The following UNC13C variants were observed in gnomAD, a reference collection of about 807,000 sequenced individuals.
UNC13C encodes the protein unc-13 homolog C.
UNC13C carries 174 observed loss-of-function variants against 245.4 expected under a neutral mutation model. The ratio of observed to expected loss-of-function variants is 0.71; its 90% CI spans 0.63 to 0.80. UNC13C has a LOEUF of 0.80. Among genes scored for constraint, UNC13C ranks in the 30% least tolerant of loss-of-function variants. The pLI is 0.00. For missense variants in UNC13C, 2,829 were observed against 2,602.9 expected (o/e 1.09, Z -1.89); for synonymous variants, 992 against 895.1 (o/e 1.11, Z -1.93).
chr15:53,943,368 C>T, the UNC13C span, among the ~76,000 whole-genome samples: 1 of 152,140 alleles, frequency 6.6e-6, no homozygotes, highest in Non-Finnish European at 1.5e-5. Flanking sequence ...TACTTTTTCT[C>T]CTTTTAAGTA....
chr15:54,477,467 T>A (rs1319905441), intron 19 of UNC13C, among the ~76,000 whole-genome samples: 23 of 108,736 alleles, frequency 2.1e-4, no homozygotes, highest in East Asian at 8.5e-4. Context: ...GCTCTTATTA[T>A]TTTGAGATAC....
chr15:54,188,205 A>C (rs571741667), intron 4 of UNC13C, among the ~76,000 whole-genome samples: 5 of 152,144 alleles, frequency 3.3e-5, no homozygotes, highest in African/African-American at 1.2e-4. Context: ...TTCTTATTTC[A>C]TATTCTTACA....
At chr15:54,189,720 T>C (rs2034115497) in intron 4 of UNC13C, among the ~76,000 whole-genome samples, 1 of 152,148 alleles carries the variant, frequency 6.6e-6, no homozygotes, top group Admixed American at 6.6e-5. Context: ...AGTTGCCTGG[T>C]CATGAGACAG....
At chr15:54,517,537 G>A (rs1218438270) in intron 24 of UNC13C, among the ~76,000 whole-genome samples, 2 of 152,076 alleles carry the variant, frequency 1.3e-5, no homozygotes. Flanking sequence ...AGGATATTCA[G>A]AAGCCAGCTG....
intron 10 of UNC13C, among the ~76,000 whole-genome samples, chr15:54,287,690 T>C (rs1315370772): frequency 6.6e-6 from 1 of 152,146 alleles, no homozygotes; most frequent in African/African-American, 2.4e-5. Flanking sequence ...CATATCTCTT[T>C]GGAAGAACTT....
chr15:54,580,380 A>G (rs1210334488), intron 30 of UNC13C, among the ~76,000 whole-genome samples: 1 of 152,238 alleles, frequency 6.6e-6, no homozygotes, highest in African/African-American at 2.4e-5. Context: ...GTAAACCTAA[A>G]TCTTTAAAGG....
At position 54,444,067 on chromosome 15, in the gene UNC13C, T is replaced by G. The variant is rs375939842; in HGVS notation, c.4933+29000T>G. Among the ~76,000 whole-genome samples the G allele has an allele frequency of 3.9e-5, 6 of 152,126 alleles. 1 individual carries two copies. The highest frequency in any genetic ancestry group is 1.3e-4 in the Admixed American group (2 of 15,264). ...TCTAATAATATCCACTTTATATATC[T>G]GGATACTCCAGTATGGTTACATATA... On this transcript the variant is annotated intron_variant, in intron 19 of 32. Coordinates refer to ENST00000260323, the MANE Select transcript of UNC13C (RefSeq NM_001080534.3).
chr15:54,283,176 A>G (rs1179564277), intron 10 of UNC13C, among the ~76,000 whole-genome samples: 2 of 152,166 alleles, frequency 1.3e-5, no homozygotes, highest in African/African-American at 4.8e-5. Flanking sequence ...TTCAGCTTTG[A>G]GGAGGGGTTT....
At chr15:53,938,862 G>A in the UNC13C span, among the ~76,000 whole-genome samples, 1 of 152,038 alleles carries the variant, frequency 6.6e-6, no homozygotes, top group Admixed American at 6.5e-5. Flanking sequence ...CTGTTAAGAG[G>A]GAAATTTATA....
intron 1 of UNC13C, among the ~76,000 whole-genome samples, chr15:54,001,482 A>G (rs757388137): frequency 1.1e-4 from 17 of 152,172 alleles, no homozygotes; most frequent in Admixed American, 3.3e-4. Context: ...GACTAATGCA[A>G]CTGAGCAGCT....
chr15:54,227,181 T>G (rs1158340864), intron 4 of UNC13C, among the ~76,000 whole-genome samples: 2 of 152,096 alleles, frequency 1.3e-5, no homozygotes, highest in Non-Finnish European at 2.9e-5. Flanking sequence ...CGTTCTTATT[T>G]CTGTTTAAGT....
At chr15:54,122,719 T>C (rs1426393758) in intron 2 of UNC13C, among the ~76,000 whole-genome samples, 1 of 152,114 alleles carries the variant, frequency 6.6e-6, no homozygotes, top group African/African-American at 2.4e-5. Flanking sequence ...AATAATGGAA[T>C]AATGCAGTGT....
intron 8 of UNC13C, among the ~76,000 whole-genome samples, chr15:54,258,136 C>T (rs1301478581): frequency 7.3e-5 from 11 of 151,506 alleles, no homozygotes; most frequent in Admixed American, 7.2e-4. Context: ...CCATCAGTCT[C>T]AAATGCAGGT....
intron 17 of UNC13C, among the ~76,000 whole-genome samples, chr15:54,379,110 G>T (rs1206709358): frequency 2.6e-5 from 4 of 151,884 alleles, no homozygotes; most frequent in Non-Finnish European, 4.4e-5. Flanking sequence ...ACCACTAGTT[G>T]CTCAGTTTTT....
At chr15:54,589,945 C>G (rs1215391068) in intron 30 of UNC13C, among the ~76,000 whole-genome samples, 1 of 152,062 alleles carries the variant, frequency 6.6e-6, no homozygotes, top group Non-Finnish European at 1.5e-5. Context: ...GTCCTTAATC[C>G]ATCTTGAGTT....
intron 31 of UNC13C, 85 bp from the exon 32 acceptor site, chr15:54,623,690 GTTAGGGCACTATTATTAAGT>G: frequency 1.0e-6 from 1 of 1,002,416 alleles, no homozygotes; most frequent in African/African-American, 1.6e-5. Context: ...TGTCAGTGGA[GTTAGGGCACTATTATTAAGT>G]TTTGGCTTCA....
chr15:53,855,952 C>G, the UNC13C span, among the ~76,000 whole-genome samples: 1 of 152,078 alleles, frequency 6.6e-6, no homozygotes, highest in Non-Finnish European at 1.5e-5. Flanking sequence ...CTATTTGTTA[C>G]TGCCTCAATT....
chr15:54,382,903 GATTATT>G (rs1384700433), intron 17 of UNC13C, among the ~76,000 whole-genome samples: 1 of 152,058 alleles, frequency 6.6e-6, no homozygotes, highest in Non-Finnish European at 1.5e-5. Flanking sequence ...GATCACCAGA[GATTATT>G]ATTAACAACT....
At chr15:54,010,696 GAA>G (rs899754450) in intron 1 of UNC13C, among the ~76,000 whole-genome samples, 1 of 151,998 alleles carries the variant, frequency 6.6e-6, no homozygotes, top group African/African-American at 2.4e-5. Flanking sequence ...TTTAGGATTT[GAA>G]AAAAGAGTCA....
Sources: gnomAD v4.1 joint callset for allele counts (sites outside exome capture counted in the v4.1 genomes callset) on GRCh38, gnomAD v4.1.1 for gene constraint, MANE v1.5 for transcripts, NCBI Gene and HGNC (gene_info 2026-07-23, HGNC 2026-07-21) for gene names.